RNF144B: variants seen among roughly 807,000 people sequenced by gnomAD.
The protein encoded by RNF144B is E3 ubiquitin-protein ligase RNF144B.
A neutral mutation model predicts 40.2 loss-of-function variants in RNF144B; 25 were observed. The observed-to-expected ratio is 0.62, with a 90% CI of 0.45 to 0.87. RNF144B has a LOEUF of 0.87. RNF144B is among the 40% of genes least tolerant of loss of function. The pLI, the probability that RNF144B is intolerant of heterozygous loss-of-function variation, is 0.00. For missense variants in RNF144B, 365 were observed against 373.7 expected (o/e 0.98, Z 0.19); for synonymous variants, 145 against 136.3 (o/e 1.06, Z -0.44).
At chr6:18,407,527 T>G (rs1376937430) in intron 2 of RNF144B, among the ~76,000 whole-genome samples, 2 of 152,358 alleles carry the variant, frequency 1.3e-5, no homozygotes, top group East Asian at 3.9e-4. Context: ...AGCTTTTGAC[T>G]GATAATTTCC....
intron 4 of RNF144B, among the ~76,000 whole-genome samples, chr6:18,452,499 T>C (rs1759230316): frequency 6.6e-6 from 1 of 152,206 alleles, no homozygotes; most frequent in South Asian, 2.1e-4. Context: ...AGGGGAAATT[T>C]GAATGTGTTT....
chr6:18,451,526 G>A lies in RNF144B; in HGVS notation c.332-5629G>A, dbSNP rs147239305. On this transcript the variant is annotated intron_variant, in intron 4 of 7. Transcript: ENST00000259939. ...TTGATGATAAAGGAGAAGGGACCATGAGAAGAAAAGAGAGGGCAGGGCCTG... is the reference window on the plus strand; with the variant it reads ...TTGATGATAAAGGAGAAGGGACCATAAGAAGAAAAGAGAGGGCAGGGCCTG... Among the ~76,000 whole-genome samples, 9 of 152,332 alleles carry A rather than the reference G, an allele frequency of 5.9e-5. No homozygotes were observed. The East Asian group carries it at 1.5e-3, about 26-fold the overall frequency.
chr6:18,420,745 C>G (rs1180061493), intron 2 of RNF144B, among the ~76,000 whole-genome samples: 1 of 152,048 alleles, frequency 6.6e-6, no homozygotes, highest in Non-Finnish European at 1.5e-5. Flanking sequence ...GAGAATCAGT[C>G]CATTCTCCCT....
rs1795062972 is a variant in RNF144B at position 18,412,271 on chromosome 6, CCTT to C, written c.165+12575_165+12577del. 6.6e-6 allele frequency among the ~76,000 whole-genome samples: 1 copy of C among 152,154 alleles called. No homozygotes were observed. The highest frequency in any genetic ancestry group is 2.4e-5 in the African/African-American group (1 of 41,430). Reference sequence around the variant, plus strand: ...ACTCCGGGTATTTTCCAACTTTTCACCTTCTGTAATCTGGTATGTGAAAAGAAC... The same window carrying C: ...ACTCCGGGTATTTTCCAACTTTTCACCTGTAATCTGGTATGTGAAAAGAAC... On this transcript the variant is annotated intron_variant, in intron 2 of 7. Coordinates refer to ENST00000259939, the MANE Select transcript of RNF144B (RefSeq NM_182757.4). The surrounding 1 kb of genome is among the most constrained non-coding windows in gnomAD (Gnocchi z 4.2).
chr6:18,420,119 A>G (rs1343309633), intron 2 of RNF144B, among the ~76,000 whole-genome samples: 2 of 151,296 alleles, frequency 1.3e-5, no homozygotes, highest in East Asian at 4.0e-4. Context: ...CTATCTCCTT[A>G]TCTGAAATGC....
Position 18,425,655 on chromosome 6 carries a change from C to T in RNF144B, c.166-1926C>T, listed in dbSNP as rs1758533226. ...GGGTTAAAACACAGTAATTATATGG[C>T]GGTCAAGTGCAAGAGAGGAGTGACT... On this transcript the variant is annotated intron_variant, in intron 2 of 7. Transcript: ENST00000259939. This position sits in a 1 kb window ranked among gnomAD's most constrained non-coding sequence, Gnocchi z 4.2. 1.3e-5 allele frequency among the ~76,000 whole-genome samples: 2 copies of T among 152,126 alleles called. No individual in the cohort carries two copies. Among genetic ancestry groups the T allele is most frequent in the Non-Finnish European group, 1.5e-5 (1 of 68,024 alleles).
Position 18,418,775 on chromosome 6 carries a change from G to A in RNF144B, c.166-8806G>A, listed in dbSNP as rs148845691. ...TCTGAATTATATCTCAATAAAACAT[G>A]ACATAATATAAAATATATAATATTT... On this transcript the variant is annotated intron_variant, in intron 2 of 7. Coordinates refer to ENST00000259939, the MANE Select transcript of RNF144B (RefSeq NM_182757.4). This position sits in a 1 kb window ranked among gnomAD's most constrained non-coding sequence, Gnocchi z 5.2. Among the ~76,000 whole-genome samples the A allele has an allele frequency of 5.8e-3, 882 of 151,548 alleles. 3 individuals carry two copies. The highest frequency in any genetic ancestry group is 0.02 in the African/African-American group (826 of 41,378).
chr6:18,430,359 A>T (rs1378646120), intron 3 of RNF144B, among the ~76,000 whole-genome samples: 1 of 152,210 alleles, frequency 6.6e-6, no homozygotes, highest in Non-Finnish European at 1.5e-5. Context: ...TGACATTTTG[A>T]GTATCTAATG....
At position 18,446,041 on chromosome 6, in the gene RNF144B, A is replaced by T. The variant is rs906919834; in HGVS notation, c.331+6297A>T. 6.6e-6 allele frequency among the ~76,000 whole-genome samples: 1 copy of T among 152,230 alleles called. No individual in the cohort carries two copies. Among genetic ancestry groups the T allele is most frequent in the Non-Finnish European group, 1.5e-5 (1 of 68,040 alleles). On this transcript the variant is annotated intron_variant, in intron 4 of 7. Transcript: ENST00000259939. The surrounding 1 kb of genome is among the most constrained non-coding windows in gnomAD (Gnocchi z 4.7). ...TTAGTGTGAGAAGAGAATGAGAAGA[A>T]CAGCTCTTCATGTGATAGCAATCTG...
At position 18,456,164 on chromosome 6, in the gene RNF144B, C is replaced by T. The variant is rs144703020; in HGVS notation, c.332-991C>T. 5.8e-3 allele frequency among the ~76,000 whole-genome samples: 880 copies of T among 152,234 alleles called. 11 individuals are homozygous for T. Among genetic ancestry groups the T allele is most frequent in the African/African-American group, 0.019 (792 of 41,526 alleles). ...GTCTTGATCTCCTAACCTTGTGATC[C>T]GCCTACCTCAGCCTCCCAAAGTGCT... On this transcript the variant is annotated intron_variant, in intron 4 of 7. Transcript: ENST00000259939. The surrounding 1 kb of genome is among the most constrained non-coding windows in gnomAD (Gnocchi z 4.7).
chr6:18,424,495 A>G (rs60677989), intron 2 of RNF144B, among the ~76,000 whole-genome samples: 145 of 152,322 alleles, frequency 9.5e-4, no homozygotes, highest in African/African-American at 3.3e-3. Context: ...CAGTGTACAG[A>G]GGTCTAACTT....
chr6:18,393,618 G>C (rs533360538), intron 1 of RNF144B, among the ~76,000 whole-genome samples: 24 of 152,346 alleles, frequency 1.6e-4, no homozygotes, highest in African/African-American at 4.8e-4. Flanking sequence ...ATTGCATTGA[G>C]TGGAAACTGG....
intron 4 of RNF144B, among the ~76,000 whole-genome samples, chr6:18,455,532 C>T (rs1224697523): frequency 1.3e-5 from 2 of 152,080 alleles, no homozygotes; most frequent in Non-Finnish European, 2.9e-5. Flanking sequence ...TGTTTGCCTC[C>T]TGTGTGTACA....
Position 18,447,323 on chromosome 6 carries a change from T to C in RNF144B, c.331+7579T>C, listed in dbSNP as rs1168726779. On this transcript the variant is annotated intron_variant, in intron 4 of 7. Coordinates refer to ENST00000259939, the MANE Select transcript of RNF144B (RefSeq NM_182757.4). This position sits in a 1 kb window ranked among gnomAD's most constrained non-coding sequence, Gnocchi z 5.6. ...GAGGCAAGAACAAGCCTGGTTTCTGTTTGAGAAACAGCAAGGAGGCCCTTA... is the reference window on the plus strand; with the variant it reads ...GAGGCAAGAACAAGCCTGGTTTCTGCTTGAGAAACAGCAAGGAGGCCCTTA... Among the ~76,000 whole-genome samples the C allele has an allele frequency of 6.6e-6, 1 of 152,052 alleles. No homozygotes were observed. Among genetic ancestry groups the C allele is most frequent in the African/African-American group, 2.4e-5 (1 of 41,390 alleles).
Position 18,465,027 on chromosome 6 carries a change from G to T in RNF144B, c.872G>T (p.Cys291Phe). 6.2e-7 allele frequency: 1 copy of T among 1,613,800 alleles called. No homozygotes were observed. Among genetic ancestry groups the T allele is most frequent in the Non-Finnish European group, 8.5e-7 (1 of 1,179,926 alleles). The change falls in exon 8 of 8, where the codon TGT becomes TTT. Residue 291 changes from cysteine (C) to phenylalanine (F), a missense_variant. Cys to Phe is a radical substitution (Grantham distance 205). Transcript: ENST00000259939. ...PCIICCVCKS[C>F]RGKKKKHDPS... ...ATAATCTGTTGTGTCTGCAAGTCCT[G>T]TCGGGGCAAGAAGAAAAAGCACGAC... is the stretch of plus-strand genomic sequence containing the variant.
chr6:18,413,999 A>T (rs533475178), intron 2 of RNF144B, among the ~76,000 whole-genome samples: 181 of 152,262 alleles, frequency 1.2e-3, no homozygotes, highest in Non-Finnish European at 2.2e-3. Flanking sequence ...AAGCCCCTTG[A>T]CTTCTAAAAA....
At chr6:18,439,589 G>A (rs935607383) in intron 3 of RNF144B, 95 bp from the exon 4 acceptor site, 181 of 848,728 alleles carry the variant, frequency 2.1e-4, no homozygotes, top group Non-Finnish European at 2.2e-5. Flanking sequence ...TGTAGAGAAA[G>A]TATAATAAGC....
At chr6:18,392,663 A>G (rs1028327272) in intron 1 of RNF144B, among the ~76,000 whole-genome samples, 1 of 152,206 alleles carries the variant, frequency 6.6e-6, no homozygotes, top group Non-Finnish European at 1.5e-5. Context: ...CAGTGGCGAG[A>G]AAACAGAAGT....
intron 4 of RNF144B, among the ~76,000 whole-genome samples, chr6:18,440,950 C>G (rs1319240816): frequency 1.3e-5 from 2 of 151,086 alleles, no homozygotes; most frequent in African/African-American, 2.4e-5. Context: ...CGTTTTTGCT[C>G]TATATCCAGA....
Sources: gnomAD v4.1 joint callset for allele counts (sites outside exome capture counted in the v4.1 genomes callset) on GRCh38, gnomAD v4.1.1 for gene constraint, Gnocchi (gnomAD v3.1) non-coding constraint, MANE v1.5 for transcripts, NCBI Gene and HGNC (gene_info 2026-07-23, HGNC 2026-07-21) for gene names.